MDN1: variants seen among roughly 807,000 people sequenced by gnomAD.
MDN1 encodes the protein midasin.
In MDN1, 266 loss-of-function variants were observed where a neutral mutation model predicts 669.2. The observed-to-expected ratio is 0.40, with a 90% confidence interval of 0.36 to 0.44. The LOEUF is 0.44. Among genes scored for constraint, MDN1 ranks in the 20% least tolerant of loss-of-function variants. The pLI is 1.00. For synonymous variants in MDN1, 2,385 were observed against 2,457.1 expected, an observed-to-expected ratio of 0.97 and a Z score of 0.87; for missense variants, 5,940 against 6,754.0, an observed-to-expected ratio of 0.88 and a Z score of 4.22.
At chr6:89,764,481 T>C (rs1460737966) in intron 15 of MDN1, among the ~76,000 whole-genome samples, 5 of 152,162 alleles carry the variant, frequency 3.3e-5, no homozygotes, top group Non-Finnish European at 7.3e-5. Flanking sequence ...AGTGTGCCCC[T>C]GTAGTCCCAG....
chr6:89,732,558 T>C lies in MDN1; in HGVS notation c.4941A>G (p.Ser1647=). 1 of 1,614,098 alleles carries C rather than the reference T, an allele frequency of 6.2e-7. No individual in the cohort carries two copies. The highest frequency in any genetic ancestry group is 8.5e-7 in the Non-Finnish European group (1 of 1,179,936). ...CCCACCAGCTACCAGACAACATACC[T>C]GAACCTATTCCATCTATGTACACCA... ...ACLVYIDGIG[S]GVTSSGFGTA... is the part of the protein sequence containing the mutation. The change falls in exon 34 of 102, where the codon TCA becomes TCG. Residue 1647 remains serine (S), a splice_region_variant and synonymous_variant. Transcript: ENST00000369393.
chr6:89,813,528 G>A (rs1768592263), intron 1 of MDN1, among the ~76,000 whole-genome samples: 1 of 147,612 alleles, frequency 6.8e-6, no homozygotes, highest in African/African-American at 2.5e-5. Flanking sequence ...TCCAGCCTGG[G>A]TGACAGAGCA....
At chr6:89,728,664 CTAATAA>C (rs1036156105) in intron 36 of MDN1, among the ~76,000 whole-genome samples, 1 of 152,062 alleles carries the variant, frequency 6.6e-6, no homozygotes, top group Admixed American at 6.6e-5. Flanking sequence ...AACCCTGTCT[CTAATAA>C]TAATACAAAA....
chr6:89,684,823 G>GA (rs1811896809), intron 71 of MDN1, 53 bp downstream of exon 71: 1 of 1,177,026 alleles, frequency 8.5e-7, no homozygotes, highest in South Asian at 1.3e-5. Context: ...TAACGAAAGA[G>GA]AATTTGCTGA....
In MDN1 at chr6:89,650,067, G is replaced by C; in HGVS notation, c.16163C>G (p.Ala5388Gly). The change falls in exon 97 of 102, where the codon GCT becomes GGT. Residue 5388 changes from alanine (A) to glycine (G), a missense_variant. By Grantham distance (60) the Ala-to-Gly change is moderately conservative. Around this residue, in one of 5 missense-constraint regions of MDN1, gnomAD observed 2,280 missense variants for 2,576.3 expected, o/e 0.88. Transcript: ENST00000369393. Reference protein sequence around the residue: ...PSKRQYQICLAIDDSSSMVDN... With the variant: ...PSKRQYQICLGIDDSSSMVDN... ...TACCATACTAGAAGAGTCATCGATA[G>C]CCAAACAAATCTGATACTGGCGTTT... 1 of 1,614,090 alleles carries C rather than the reference G, an allele frequency of 6.2e-7. No individual in the cohort carries two copies. Among genetic ancestry groups the C allele is most frequent in the Middle Eastern group, 1.6e-4 (1 of 6,062 alleles).
chr6:89,747,365 T>C lies in MDN1; in HGVS notation c.3868A>G (p.Lys1290Glu), dbSNP rs1023577135. The change falls in exon 27 of 102, where the codon AAG becomes GAG. Residue 1290 changes from lysine (K) to glutamate (E), a missense_variant. Around this residue, in one of 5 missense-constraint regions of MDN1, gnomAD observed 2,292 missense variants for 2,638.3 expected, o/e 0.87. Coordinates refer to ENST00000369393, the MANE Select transcript of MDN1 (RefSeq NM_014611.3). ...ERYRLAEPTE[K>E]EYDWLQHLAN... The stretch of plus-strand genomic sequence containing the variant: ...AAATGCTGTAGCCAGTCATACTCCT[T>C]CTCGGTCGGCTCAGCCAATCTGTAT... 5.0e-6 allele frequency: 8 copies of C among 1,613,998 alleles called. No individual in the cohort carries two copies. Among genetic ancestry groups the C allele is most frequent in the African/African-American group, 4.0e-5 (3 of 74,922 alleles).
intron 38 of MDN1, among the ~76,000 whole-genome samples, chr6:89,724,307 G>A (rs570493309): frequency 3.6e-4 from 55 of 151,744 alleles, no homozygotes; most frequent in African/African-American, 1.3e-3. Flanking sequence ...TTTTAAGATG[G>A]AGTCTCATTC....
chr6:89,701,858 A>G, intron 54 of MDN1, 46 bp downstream of exon 54: 1 of 1,577,880 alleles, frequency 6.3e-7, no homozygotes, highest in Non-Finnish European at 8.6e-7. Context: ...TATCCTTAAC[A>G]TCTATCTGTA....
chr6:89,741,410 T>C (rs1816291223), intron 31 of MDN1, among the ~76,000 whole-genome samples: 1 of 152,160 alleles, frequency 6.6e-6, no homozygotes, highest in Non-Finnish European at 1.5e-5. Context: ...TGTTCATTCC[T>C]GGGTATAGGC....
At chr6:89,813,628 G>C (rs1440344980) in intron 1 of MDN1, among the ~76,000 whole-genome samples, 1 of 151,880 alleles carries the variant, frequency 6.6e-6, no homozygotes, top group Non-Finnish European at 1.5e-5. Context: ...CTACTCAGAA[G>C]GATGAGGTGG....
At chr6:89,723,225 A>T in intron 39 of MDN1, 82 bp from the exon 40 acceptor site, 1 of 1,363,766 alleles carries the variant, frequency 7.3e-7, no homozygotes, top group Non-Finnish European at 1.0e-6. Context: ...GTACTACAAA[A>T]GCATATGTAA....
intron 14 of MDN1, 85 bp from the exon 15 acceptor site, chr6:89,771,706 T>C (rs1006486539): frequency 8.5e-7 from 1 of 1,171,400 alleles, no homozygotes. Context: ...TGTGGGAATA[T>C]GGCATAGGGC....
chr6:89,666,448 A>G (rs1175451471), intron 84 of MDN1, among the ~76,000 whole-genome samples: 1 of 151,996 alleles, frequency 6.6e-6, no homozygotes, highest in East Asian at 1.9e-4. Context: ...TATTTTTAGT[A>G]GAGATGGAGT....
intron 2 of MDN1, among the ~76,000 whole-genome samples, chr6:89,800,025 G>A (rs1767527809): frequency 6.6e-6 from 1 of 152,030 alleles, no homozygotes; most frequent in South Asian, 2.1e-4. Flanking sequence ...AAAACTTTCA[G>A]CCCAACTGCC....
At chr6:89,684,163 T>G (rs2128306844) in intron 71 of MDN1, among the ~76,000 whole-genome samples, 1 of 152,148 alleles carries the variant, frequency 6.6e-6, no homozygotes, top group Admixed American at 6.5e-5. Flanking sequence ...GCCAACATGG[T>G]GAAACCCCGT....
chr6:89,694,707 C>CA (rs1376446845), intron 61 of MDN1, among the ~76,000 whole-genome samples: 1 of 142,300 alleles, frequency 7.0e-6, no homozygotes, highest in Non-Finnish European at 1.5e-5. Flanking sequence ...CCACACCCAG[C>CA]TTTTTTTTTT....
In MDN1 at chr6:89,683,284, G is replaced by A. The variant is rs768415846; in HGVS notation, c.11950C>T (p.Pro3984Ser). The stretch of plus-strand genomic sequence containing the variant: ...CTCTCCACCAGGGATGACCGGCAGG[G>A]TTCACTCAGGACTGCTTCAAATTTC... ...MKKFEAVLSEPCRSSLVESDK... is the reference protein window; with the variant it reads ...MKKFEAVLSESCRSSLVESDK... Residue 3984 changes from proline to serine, a missense_variant, in exon 73 of 102, where the codon CCC becomes TCC. Pro to Ser is a moderately conservative substitution (Grantham distance 74, BLOSUM62 -1). This residue lies in a region of MDN1 where 2,280 missense variants were observed against 2,576.3 expected (regional missense o/e 0.88). Transcript: ENST00000369393. The A allele has an allele frequency of 6.2e-7, 1 of 1,614,152 alleles. No individual in the cohort carries two copies. Among genetic ancestry groups the A allele is most frequent in the South Asian group, 1.1e-5 (1 of 91,072 alleles).
intron 76 of MDN1, among the ~76,000 whole-genome samples, chr6:89,677,147 A>C (rs1811253960): frequency 6.6e-6 from 1 of 151,914 alleles, no homozygotes; most frequent in Admixed American, 6.6e-5. Flanking sequence ...GCTGGAGTGC[A>C]GTGGTGTAAT....
chr6:89,692,970 G>A lies in MDN1; in HGVS notation c.10060C>T (p.Leu3354Phe), dbSNP rs1003674830. The part of the protein sequence containing the change: ...QDLLTRLLQA[L>F]HIDGPRSAQV... ...GCAGACCGTGGCCCATCTATGTGGA[G>A]GGCCTGCAGAAGCCGTGTGAGCAGA... Residue 3354 changes from leucine to phenylalanine, a missense_variant, in exon 63 of 102, where the codon CTC (leucine) becomes TTC (phenylalanine). Transcript: ENST00000369393. The A allele has an allele frequency of 2.3e-5, 37 of 1,614,090 alleles. No homozygotes were observed. The highest frequency in any genetic ancestry group is 1.6e-4 in the Middle Eastern group (1 of 6,084).
Sources: gnomAD v4.1 joint callset for allele counts (sites outside exome capture counted in the v4.1 genomes callset) on GRCh38, gnomAD v4.1.1 for gene constraint, gnomAD v4.1.1 regional missense constraint, MANE v1.5 for transcripts, NCBI Gene and HGNC (gene_info 2026-07-23, HGNC 2026-07-21) for gene names.